RBFOX1: variants seen among roughly 807,000 people sequenced by gnomAD.
The protein encoded by RBFOX1 is RNA binding protein fox-1 homolog 1.
A neutral mutation model predicts 57.7 loss-of-function variants in RBFOX1; 8 were observed. The observed-to-expected ratio is 0.14, with a 90% CI of 0.08 to 0.25. RBFOX1 has a LOEUF of 0.25. Among genes scored for constraint, RBFOX1 ranks in the 10% least tolerant of loss-of-function variants. RBFOX1 has a pLI of 1.00. For missense variants in RBFOX1, 611 were observed against 548.5 expected, an observed-to-expected ratio of 1.11 and a Z score of -1.14; for synonymous variants, 326 against 222.4, an observed-to-expected ratio of 1.47 and a Z score of -4.15.
intron 3 of RBFOX1, among the ~76,000 whole-genome samples, chr16:6,872,521 A>G (rs1336712485): frequency 6.6e-6 from 1 of 152,118 alleles, no homozygotes; most frequent in African/African-American, 2.4e-5. Flanking sequence ...TGATTTTCTT[A>G]TTTGAAAGTC....
chr16:7,693,211 A>T (rs2077761326), intron 14 of RBFOX1: 1 of 893,998 alleles, frequency 1.1e-6, no homozygotes, highest in African/African-American at 1.6e-5. Flanking sequence ...ATCCATTCAC[A>T]CGCAGCACCC....
chr16:7,190,849 A>G (rs945104692), intron 4 of RBFOX1, among the ~76,000 whole-genome samples: 5 of 152,220 alleles, frequency 3.3e-5, no homozygotes, highest in African/African-American at 1.2e-4. Flanking sequence ...GACGCACATG[A>G]TGAACAAGGA....
At chr16:7,050,337 C>G (rs573727308) in intron 3 of RBFOX1, among the ~76,000 whole-genome samples, 1 of 37,214 alleles carries the variant, frequency 2.7e-5, no homozygotes, top group African/African-American at 4.9e-5. Context: ...GGGAACTCAG[C>G]TCACTGCAAC....
intron 1 of RBFOX1, among the ~76,000 whole-genome samples, chr16:6,072,892 G>C (rs2095853658): frequency 6.6e-6 from 1 of 152,128 alleles, no homozygotes; most frequent in South Asian, 2.1e-4. Context: ...ATGATTGTGG[G>C]GATGGTTTCA....
rs573484382 is a variant in RBFOX1, at chr16:7,239,491, T to C, written c.27+187393T>C. Among the ~76,000 whole-genome samples the C allele has an allele frequency of 2.2e-4, 33 of 152,240 alleles. No homozygotes were observed. In the East Asian group the frequency reaches 6.4e-3, roughly 29 times the overall value. On this transcript the variant is annotated intron_variant, in intron 4 of 15. Coordinates refer to ENST00000550418, the MANE Select transcript of RBFOX1 (RefSeq NM_018723.4). The stretch of plus-strand genomic sequence containing the variant: ...TCCAGCCTGGGCAACAGAGCAAGAC[T>C]GTCTAAAAAATAAATAAATAAATAA...
chr16:7,218,062 CGT>C (rs199674993), intron 4 of RBFOX1, among the ~76,000 whole-genome samples: 5 of 132,888 alleles, frequency 3.8e-5, no homozygotes, highest in African/African-American at 1.2e-4. Flanking sequence ...CATGCGTGTG[CGT>C]GTGTGTGTGT....
chr16:5,660,982 A>C (rs1596636421), intron 3 of RBFOX1, among the ~76,000 whole-genome samples: 1 of 152,272 alleles, frequency 6.6e-6, no homozygotes, highest in East Asian at 1.9e-4. Flanking sequence ...TTGAGGAGGT[A>C]GCGCCATGTT....
intron 1 of RBFOX1, among the ~76,000 whole-genome samples, chr16:6,188,418 C>CA (rs57875210): frequency 2.5e-4 from 31 of 124,128 alleles, no homozygotes; most frequent in African/African-American, 6.9e-4. Flanking sequence ...TTGTTTTAGC[C>CA]AAAAAAAAAA....
rs1291764986 is a variant in RBFOX1 at position 6,641,760 on chromosome 16, AAAAAAAAAAAAAAAAAAAT to A, written c.-63-12841_-63-12823del. 1.4e-3 allele frequency among the ~76,000 whole-genome samples: 34 copies of A among 24,264 alleles called. 1 individual carries two copies. Among genetic ancestry groups the A allele is most frequent in the African/African-American group, 3.7e-3 (34 of 9,230 alleles). The allele number at this position is 24,264 out of a possible 152,430, so 15.9% of individuals were successfully genotyped here. On this transcript the variant is annotated intron_variant, in intron 2 of 15. Transcript: ENST00000550418. ...AAAAAAAAAAAAAAAAAAAAAAAAA[AAAAAAAAAAAAAAAAAAAT>A]AGGTTCTGCCCTGAGCCTTTCAGGC...
chr16:7,612,309 A>C (rs1472074379), intron 10 of RBFOX1, among the ~76,000 whole-genome samples: 1 of 136,218 alleles, frequency 7.3e-6, no homozygotes, highest in Non-Finnish European at 1.6e-5. Flanking sequence ...TAACAGAGCG[A>C]GACTCCATCT....
At chr16:5,528,167 C>G (rs1228454327) in intron 2 of RBFOX1, among the ~76,000 whole-genome samples, 1 of 152,062 alleles carries the variant, frequency 6.6e-6, no homozygotes, top group African/African-American at 2.4e-5. Flanking sequence ...CTTCTGGGTC[C>G]TAAGGTTCTG....
At chr16:7,231,434 G>A (rs375301165) in intron 4 of RBFOX1, among the ~76,000 whole-genome samples, 5 of 152,280 alleles carry the variant, frequency 3.3e-5, no homozygotes, top group African/African-American at 1.2e-4. Context: ...AGAGCAAACA[G>A]TTTAATCAGC....
chr16:5,749,622 T>C (rs185570868), intron 3 of RBFOX1, among the ~76,000 whole-genome samples: 93 of 152,350 alleles, frequency 6.1e-4, no homozygotes, highest in African/African-American at 2.0e-3. Flanking sequence ...CATTTGATCT[T>C]CAATCACTGA....
chr16:7,674,628 AAC>A (rs1357717335), intron 13 of RBFOX1, among the ~76,000 whole-genome samples: 2 of 152,192 alleles, frequency 1.3e-5, no homozygotes, highest in African/African-American at 4.8e-5. Flanking sequence ...CTTGTCTGGA[AAC>A]ACACATTTTC....
intron 4 of RBFOX1, among the ~76,000 whole-genome samples, chr16:7,337,754 G>T (rs1040825218): frequency 6.6e-6 from 1 of 152,014 alleles, no homozygotes; most frequent in Non-Finnish European, 1.5e-5. Context: ...GCGCAATCTC[G>T]GCTCATTGCA....
At chr16:7,135,073 T>C (rs2071547793) in intron 4 of RBFOX1, among the ~76,000 whole-genome samples, 1 of 152,224 alleles carries the variant, frequency 6.6e-6, no homozygotes, top group South Asian at 2.1e-4. Flanking sequence ...GTTTTAAAAC[T>C]TCACATTTGG....
At chr16:7,303,264 G>T (rs1469501382) in intron 4 of RBFOX1, among the ~76,000 whole-genome samples, 1 of 152,180 alleles carries the variant, frequency 6.6e-6, no homozygotes, top group African/African-American at 2.4e-5. Flanking sequence ...TCGGCGCTTC[G>T]GTGCTCTGCT....
Position 7,052,411 on chromosome 16 carries a change from G to T in RBFOX1, c.27+313G>T, listed in dbSNP as rs185730445. On this transcript the variant is annotated intron_variant, in intron 4 of 15. Coordinates refer to ENST00000550418, the MANE Select transcript of RBFOX1 (RefSeq NM_018723.4). Reference sequence around the variant, plus strand: ...ACACGAGGTCTAAGTAATAACAAAGGTCAAAAGGATGGCTGGCTGCCTTCT... The same window carrying T: ...ACACGAGGTCTAAGTAATAACAAAGTTCAAAAGGATGGCTGGCTGCCTTCT... 3.5e-3 allele frequency among the ~76,000 whole-genome samples: 537 copies of T among 152,244 alleles called. 2 individuals are homozygous for T. The highest frequency in any genetic ancestry group is 0.01 in the Middle Eastern group (3 of 294).
intron 4 of RBFOX1, among the ~76,000 whole-genome samples, chr16:7,141,783 G>A (rs143026357): frequency 5.8e-4 from 88 of 152,108 alleles, no homozygotes; most frequent in African/African-American, 2.1e-3. Flanking sequence ...GCTGTCACCA[G>A]CCTGGTCACG....
Sources: allele counts gnomAD v4.1 joint callset (sites outside exome capture counted in the v4.1 genomes callset), GRCh38; gene constraint gnomAD v4.1.1; transcripts MANE v1.5; gene names NCBI Gene and HGNC (gene_info 2026-07-23, HGNC 2026-07-21).